Variants in IPCEF1 observed in about 807,000 individuals in gnomAD.
The protein encoded by IPCEF1 is interactor protein for cytohesin exchange factors 1.
In IPCEF1, 31 loss-of-function variants were observed where a neutral mutation model predicts 50.9. The ratio of observed to expected loss-of-function variants is 0.61; its 90% CI spans 0.46 to 0.82. The LOEUF (loss-of-function observed/expected upper bound fraction) is 0.82. Among genes scored for constraint, IPCEF1 ranks in the 40% least tolerant of loss-of-function variants. The probability of loss-of-function intolerance (pLI) is 0.00; values close to 1 mark genes in which losing one functional copy is unlikely to be tolerated. For missense variants in IPCEF1, 458 were observed against 514.0 expected, an observed-to-expected ratio of 0.89 and a Z score of 1.05; for synonymous variants, 181 against 192.0, an observed-to-expected ratio of 0.94 and a Z score of 0.47.
At chr6:154,299,479 A>G (rs1404760144) in intron 1 of IPCEF1, among the ~76,000 whole-genome samples, 1 of 141,816 alleles carries the variant, frequency 7.1e-6, no homozygotes, top group East Asian at 2.0e-4. Context: ...AGGGACATAG[A>G]TGAAGCTGGA....
intron 3 of IPCEF1, among the ~76,000 whole-genome samples, chr6:154,247,930 T>C (rs529359399): frequency 1.3e-5 from 2 of 152,332 alleles, no homozygotes; most frequent in African/African-American, 4.8e-5. Context: ...TCTCAAAATA[T>C]TAGAGTCACT....
At chr6:154,173,260 C>A (rs1022679538) in intron 10 of IPCEF1, among the ~76,000 whole-genome samples, 2 of 152,180 alleles carry the variant, frequency 1.3e-5, no homozygotes, top group African/African-American at 4.8e-5. Context: ...AACACCTCTT[C>A]TCCTCCAAAG....
chr6:154,304,840 G>A (rs943352883), intron 1 of IPCEF1, among the ~76,000 whole-genome samples: 21 of 152,144 alleles, frequency 1.4e-4, no homozygotes, highest in South Asian at 8.3e-4. Flanking sequence ...AAGGCCGGGC[G>A]CGGTGGCTCA....
At chr6:154,173,627 G>T (rs1800055203) in intron 10 of IPCEF1, among the ~76,000 whole-genome samples, 2 of 152,104 alleles carry the variant, frequency 1.3e-5, no homozygotes, top group South Asian at 4.1e-4. Flanking sequence ...ATAGAAAAAA[G>T]AATGAAAAGA....
chr6:154,206,271 C>T (rs1294537006), intron 9 of IPCEF1, among the ~76,000 whole-genome samples: 1 of 152,172 alleles, frequency 6.6e-6, no homozygotes, highest in Non-Finnish European at 1.5e-5. Flanking sequence ...AAAACTCATA[C>T]AAGATTTCTG....
At chr6:154,165,129 A>G (rs1176746017) in intron 11 of IPCEF1, among the ~76,000 whole-genome samples, 1 of 152,160 alleles carries the variant, frequency 6.6e-6, no homozygotes, top group African/African-American at 2.4e-5. Context: ...TCCTCTGTGT[A>G]TGATATATTC....
intron 1 of IPCEF1, among the ~76,000 whole-genome samples, chr6:154,296,219 T>C (rs1782654035): frequency 2.0e-5 from 3 of 152,164 alleles, no homozygotes; most frequent in African/African-American, 7.2e-5. Context: ...GGTGCTCTTG[T>C]TGGGTTTTGA....
intron 2 of IPCEF1, among the ~76,000 whole-genome samples, chr6:154,289,406 G>A (rs1419268793): frequency 2.0e-5 from 3 of 150,900 alleles, no homozygotes; most frequent in East Asian, 3.9e-4. Flanking sequence ...CATAATTATA[G>A]TTATAAAGTA....
chr6:154,255,847 A>C (rs9478528), intron 3 of IPCEF1, among the ~76,000 whole-genome samples: 1 of 151,952 alleles, frequency 6.6e-6, no homozygotes. Flanking sequence ...TCTTTTCTGA[A>C]ATTTATAAAT....
intron 1 of IPCEF1, among the ~76,000 whole-genome samples, chr6:154,313,616 A>G (rs1005668729): frequency 2.0e-5 from 3 of 152,208 alleles, no homozygotes; most frequent in Admixed American, 1.3e-4. Flanking sequence ...CTAGTTATTA[A>G]GGCTTTACTG....
chr6:154,239,148 C>T (rs1164954169), intron 5 of IPCEF1, among the ~76,000 whole-genome samples: 10 of 151,980 alleles, frequency 6.6e-5, no homozygotes, highest in South Asian at 4.2e-4. Context: ...TCCTGGCTCT[C>T]GGTGTTCCAC....
chr6:154,195,147 C>CTT (rs10719288), intron 10 of IPCEF1, among the ~76,000 whole-genome samples: 5,067 of 122,836 alleles, frequency 0.041, 167 homozygotes, highest in Non-Finnish European at 0.063. Context: ...TCTTTTCTTT[C>CTT]TTTTTTTTTT....
chr6:154,233,261 T>C (rs917896453), intron 5 of IPCEF1, among the ~76,000 whole-genome samples: 3 of 152,216 alleles, frequency 2.0e-5, no homozygotes, highest in South Asian at 2.1e-4. Flanking sequence ...ACTGAGTGCA[T>C]TGTAAGCTGA....
intron 5 of IPCEF1, among the ~76,000 whole-genome samples, chr6:154,243,099 CT>C (rs1218725309): frequency 1.3e-5 from 2 of 152,110 alleles, no homozygotes; most frequent in Non-Finnish European, 2.9e-5. Flanking sequence ...TATGCGAAGG[CT>C]TAGAGAGAGC....
At chr6:154,340,273 C>A (rs900280015) in intron 1 of IPCEF1, among the ~76,000 whole-genome samples, 1 of 151,694 alleles carries the variant, frequency 6.6e-6, no homozygotes, top group Non-Finnish European at 1.5e-5. Flanking sequence ...ATTTTTGAGA[C>A]GGAGTCTTGC....
intron 1 of IPCEF1, among the ~76,000 whole-genome samples, chr6:154,298,653 G>A (rs1782719996): frequency 6.6e-6 from 1 of 152,176 alleles, no homozygotes; most frequent in African/African-American, 2.4e-5. Context: ...CAGAGAATGA[G>A]TAACTCTTAT....
At chr6:154,187,408 T>C (rs943204428) in intron 10 of IPCEF1, among the ~76,000 whole-genome samples, 9 of 152,196 alleles carry the variant, frequency 5.9e-5, no homozygotes, top group Admixed American at 5.2e-4. Flanking sequence ...ATTTTGGCTT[T>C]CGTTTGCTTT....
intron 2 of IPCEF1, among the ~76,000 whole-genome samples, chr6:154,274,562 A>G (rs1782006214): frequency 6.6e-6 from 1 of 152,242 alleles, no homozygotes; most frequent in African/African-American, 2.4e-5. Context: ...ACATCCTGGA[A>G]GGGCCTACCA....
intron 10 of IPCEF1, among the ~76,000 whole-genome samples, chr6:154,198,308 G>T (rs565711716): frequency 1.4e-4 from 22 of 152,216 alleles, no homozygotes; most frequent in African/African-American, 5.3e-4. Context: ...CAAACCTGAG[G>T]GCGGGTTGAG....
Sources: gnomAD v4.1 joint callset for allele counts (sites outside exome capture counted in the v4.1 genomes callset) on GRCh38, gnomAD v4.1.1 for gene constraint, MANE v1.5 for transcripts, NCBI Gene and HGNC (gene_info 2026-07-23, HGNC 2026-07-21) for gene names.